Variants in GPM6B observed in about 807,000 individuals in gnomAD.
GPM6B encodes glycoprotein M6B, also known as neuronal membrane glycoprotein M6-b.
GPM6B carries 4 observed loss-of-function variants against 27.2 expected under a neutral mutation model. The ratio of observed to expected loss-of-function variants is 0.15; its 90% CI spans 0.07 to 0.34. The LOEUF (loss-of-function observed/expected upper bound fraction) is 0.34. Among genes scored for constraint, GPM6B ranks in the 10% least tolerant of loss-of-function variants. The pLI is 1.00. For missense variants in GPM6B, 183 were observed against 261.9 expected, an observed-to-expected ratio of 0.70 and a Z score of 2.08; for synonymous variants, 124 against 103.1, an observed-to-expected ratio of 1.20 and a Z score of -1.23.
At chrX:13,783,626 C>T (rs902595457) in intron 3 of GPM6B, 105 bp from the exon 4 acceptor site, 3 of 674,571 alleles carry the variant, frequency 4.4e-6, no homozygotes, top group Non-Finnish European at 4.6e-6. Flanking sequence ...CCTGTGAGTG[C>T]GTCACTCGCC....
At chrX:13,800,083 G>T (rs777945656) in intron 2 of GPM6B, among the ~76,000 whole-genome samples, 3 of 111,861 alleles carry the variant, frequency 2.7e-5, no homozygotes, top group South Asian at 7.7e-4. Context: ...TGTTAGCATT[G>T]TCTCTCTGGC....
intron 5 of GPM6B, among the ~76,000 whole-genome samples, chrX:13,779,142 T>TA (rs2048469616): frequency 9.0e-6 from 1 of 111,370 alleles, no homozygotes. Flanking sequence ...TGCCCTCTCT[T>TA]ACTCAGCAGC....
chrX:13,794,678 G>A (rs976549915), intron 2 of GPM6B, among the ~76,000 whole-genome samples: 3 of 111,895 alleles, frequency 2.7e-5, no homozygotes, highest in Non-Finnish European at 5.6e-5. Context: ...CCACGCGCTC[G>A]CAAGAAAATA....
At chrX:13,888,729 G>A (rs2050161454) in intron 1 of GPM6B, among the ~76,000 whole-genome samples, 1 of 110,255 alleles carries the variant, frequency 9.1e-6, no homozygotes, top group Non-Finnish European at 1.9e-5. Flanking sequence ...AAATGAAGTA[G>A]AAAAAAAATG....
intron 2 of GPM6B, among the ~76,000 whole-genome samples, chrX:13,804,627 C>T (rs893193824): frequency 5.4e-5 from 6 of 110,504 alleles, no homozygotes; most frequent in East Asian, 2.8e-4. Flanking sequence ...ACCCTGGAAC[C>T]GCCATGACCT....
intron 1 of GPM6B, among the ~76,000 whole-genome samples, chrX:13,891,906 C>T (rs1929071557): frequency 1.8e-5 from 2 of 111,765 alleles, no homozygotes; most frequent in African/African-American, 6.5e-5. Context: ...ATAATGAATT[C>T]TCCACTGGCT....
At chrX:13,782,757 C>CAAAAAAAAAAAAAAAAAAA (rs36124855) in intron 4 of GPM6B, among the ~76,000 whole-genome samples, 1 of 31,157 alleles carries the variant, frequency 3.2e-5, no homozygotes, top group East Asian at 1.2e-3. Context: ...TGCTCCGTCT[C>CAAAAAAAAAAAAAAAAAAA]AAAAAAAAAA....
chrX:13,852,941 C>G (rs938681724), intron 1 of GPM6B, among the ~76,000 whole-genome samples: 10 of 109,845 alleles, frequency 9.1e-5, no homozygotes, highest in African/African-American at 3.3e-4. Flanking sequence ...CCACCATGCC[C>G]AGCCAAAAAC....
chrX:13,856,877 T>C (rs1024731422), intron 1 of GPM6B, among the ~76,000 whole-genome samples: 1 of 110,428 alleles, frequency 9.1e-6, no homozygotes, highest in Non-Finnish European at 1.9e-5. Context: ...TTTTTGTATA[T>C]TTTGTAGAGA....
At chrX:13,859,387 T>C (rs2049817264) in intron 1 of GPM6B, among the ~76,000 whole-genome samples, 1 of 112,216 alleles carries the variant, frequency 8.9e-6, no homozygotes, top group Admixed American at 9.5e-5. Context: ...TTCCATGTTT[T>C]TGTGTGTATC....
At chrX:13,786,851 A>G (rs1045780718) in intron 2 of GPM6B, among the ~76,000 whole-genome samples, 3 of 109,689 alleles carry the variant, frequency 2.7e-5, no homozygotes, top group Non-Finnish European at 5.7e-5. Context: ...GTTTGGAGAC[A>G]TTTACGTTTC....
intron 1 of GPM6B, among the ~76,000 whole-genome samples, chrX:13,828,992 A>G (rs1040923119): frequency 1.8e-5 from 2 of 111,549 alleles, no homozygotes; most frequent in Admixed American, 1.9e-4. Flanking sequence ...ACCAAGAGTC[A>G]GGCAGCAATG....
intron 7 of GPM6B, chrX:13,774,092 CA>C: frequency 4.0e-6 from 3 of 750,394 alleles, no homozygotes; most frequent in Non-Finnish European, 4.7e-6. Flanking sequence ...AACATATTTG[CA>C]AAGTATTTTC....
At position 13,802,023 on chromosome X, in the gene GPM6B, C is replaced by G. The variant is rs145809576; in HGVS notation, c.181+5627G>C. ...GAGTGAACTTCGGCACCCAAAAGGACACAGCCTGAGGAGGTGGGAAGACCT... is the reference window on the plus strand; with the variant it reads ...GAGTGAACTTCGGCACCCAAAAGGAGACAGCCTGAGGAGGTGGGAAGACCT... On this transcript the variant is annotated intron_variant, in intron 2 of 7. Coordinates refer to ENST00000316715, the MANE Select transcript of GPM6B (RefSeq NM_001001995.3). Among the ~76,000 whole-genome samples the G allele has an allele frequency of 4.5e-3, 497 of 111,274 alleles. 4 individuals carry two copies. In the South Asian group the frequency reaches 0.046, roughly 10 times the overall value.
chrX:13,807,702 C>T lies in GPM6B; in HGVS notation c.129G>A (p.Gln43=). 5.8e-6 allele frequency: 7 copies of T among 1,206,646 alleles called. No homozygotes were observed. Among genetic ancestry groups the T allele is most frequent in the Non-Finnish European group, 7.9e-6 (7 of 891,153 alleles). The change falls in exon 2 of 8, where the codon CAG becomes CAA. Residue 43 remains glutamine (Q), a synonymous_variant. Coordinates refer to ENST00000316715, the MANE Select transcript of GPM6B (RefSeq NM_001001995.3). ...CCCCCAGGGTTGGCACGGGATGGTA[C>T]TGGTGGTTCTTTGAGCCTGGGTACA... is the stretch of plus-strand genomic sequence containing the variant. ...HWMYPGSKNH[Q]YHPVPTLGDR...
intron 1 of GPM6B, among the ~76,000 whole-genome samples, chrX:13,937,499 T>A (rs1036300785): frequency 1.8e-5 from 2 of 111,655 alleles, no homozygotes; most frequent in Admixed American, 9.5e-5. Flanking sequence ...CCCACTGACG[T>A]CCTCGTTAGG....
intron 3 of GPM6B, among the ~76,000 whole-genome samples, chrX:13,784,138 A>G (rs765532996): frequency 1.8e-5 from 2 of 113,087 alleles, no homozygotes; most frequent in Non-Finnish European, 3.7e-5. Flanking sequence ...TAACAAAGAC[A>G]AATGACATGT....
chrX:13,874,896 T>C (rs2050017696), intron 1 of GPM6B, among the ~76,000 whole-genome samples: 1 of 109,681 alleles, frequency 9.1e-6, no homozygotes, highest in Non-Finnish European at 1.9e-5. Flanking sequence ...GCTATTATTG[T>C]TATTTTGAAC....
At chrX:13,797,860 A>C (rs1286501556) in intron 2 of GPM6B, among the ~76,000 whole-genome samples, 1 of 111,827 alleles carries the variant, frequency 8.9e-6, no homozygotes, top group Non-Finnish European at 1.9e-5. Context: ...ACATCATGCA[A>C]CATTTTCTAT....
Sources: allele counts gnomAD v4.1 joint callset (sites outside exome capture counted in the v4.1 genomes callset), GRCh38; gene constraint gnomAD v4.1.1; transcripts MANE v1.5; gene names NCBI Gene and HGNC (gene_info 2026-07-23, HGNC 2026-07-21).